The following SEPTIN11 variants were observed in gnomAD, a reference collection of about 807,000 sequenced individuals.
The protein encoded by SEPTIN11 is septin-11.
SEPTIN11 carries 25 observed loss-of-function variants against 51.4 expected under a neutral mutation model. The observed-to-expected ratio is 0.49, with a 90% CI of 0.35 to 0.68. SEPTIN11 has a LOEUF of 0.68. SEPTIN11 is among the 30% of genes least tolerant of loss of function. SEPTIN11 has a pLI of 0.00. For synonymous variants in SEPTIN11, 174 were observed against 184.1 expected, an observed-to-expected ratio of 0.95 and a Z score of 0.44; for missense variants, 381 against 520.8, an observed-to-expected ratio of 0.73 and a Z score of 2.61.
rs548330044 is a variant in SEPTIN11, at chr4:77,018,261, T to C, written c.688-904T>C. On this transcript the variant is annotated intron_variant, in intron 5 of 9. Transcript: ENST00000264893. The stretch of plus-strand genomic sequence containing the variant: ...GTCAGGAGATCGAGACCATCCTGGC[T>C]AACACGGTGAAACCCCGTTTCTACT... Among the ~76,000 whole-genome samples the C allele has an allele frequency of 1.6e-4, 24 of 152,212 alleles. No homozygotes were observed. In the South Asian group the frequency reaches 2.9e-3, roughly 18 times the overall value.
chr4:76,953,467 G>C (rs1721430957), intron 1 of SEPTIN11, among the ~76,000 whole-genome samples: 1 of 152,180 alleles, frequency 6.6e-6, no homozygotes, highest in African/African-American at 2.4e-5. Flanking sequence ...GGGAGTGTGG[G>C]AAGTGGAGGA....
At chr4:76,970,137 T>C (rs1722181733) in intron 1 of SEPTIN11, among the ~76,000 whole-genome samples, 3 of 152,220 alleles carry the variant, frequency 2.0e-5, no homozygotes, top group Non-Finnish European at 1.5e-5. Flanking sequence ...ACCTCTGCTT[T>C]TGCATTTCAC....
intron 1 of SEPTIN11, among the ~76,000 whole-genome samples, chr4:76,950,841 G>C (rs541784999): frequency 3.0e-4 from 46 of 152,354 alleles, no homozygotes; most frequent in Non-Finnish European, 5.4e-4. Context: ...GGCGGCGGCG[G>C]CCTTTCCTTT....
Position 77,038,057 on chromosome 4 carries a change from CA to C in SEPTIN11, c.*3550del, listed in dbSNP as rs746087987. 92 of 985,758 alleles carry C rather than the reference CA, an allele frequency of 9.3e-5. No homozygotes were observed. The highest frequency in any genetic ancestry group is 1.0e-4 in the Non-Finnish European group (86 of 829,958). The allele number at this position is 985,758 out of a possible 1,614,324, so 61.1% of individuals were successfully genotyped here. A position where few individuals can be genotyped will look rare whatever the true frequency, so the allele number is the denominator to read the frequency against. ...GTCCTGCTGTCTCTGTGTGGTCCTACAAAAACTGTCCATTCCCACCCCTTTG... is the reference window on the plus strand; with the variant it reads ...GTCCTGCTGTCTCTGTGTGGTCCTACAAAACTGTCCATTCCCACCCCTTTG... On this transcript the variant is annotated 3_prime_UTR_variant, in exon 10 of 10. Coordinates refer to ENST00000264893, the MANE Select transcript of SEPTIN11 (RefSeq NM_018243.4).
chr4:76,958,274 G>A (rs556825216), intron 1 of SEPTIN11, among the ~76,000 whole-genome samples: 109 of 152,318 alleles, frequency 7.2e-4, no homozygotes, highest in Non-Finnish European at 1.1e-3. Flanking sequence ...TGCACTTCTG[G>A]ACATCCAAAG....
intron 7 of SEPTIN11, among the ~76,000 whole-genome samples, chr4:77,027,937 T>C (rs1002615698): frequency 6.7e-6 from 1 of 150,304 alleles, no homozygotes; most frequent in African/African-American, 2.5e-5. Context: ...AACTTCTCCC[T>C]GCTCTGTTTA....
intron 1 of SEPTIN11, among the ~76,000 whole-genome samples, chr4:76,972,079 T>A (rs1481454967): frequency 6.6e-6 from 1 of 152,242 alleles, no homozygotes; most frequent in Non-Finnish European, 1.5e-5. Context: ...TGGCCATTTC[T>A]ATTTATTTCT....
At position 77,036,425 on chromosome 4, in the gene SEPTIN11, A is replaced by G; in HGVS notation, c.*1913A>G. The stretch of plus-strand genomic sequence containing the variant: ...TTTGTGTTGTATGCTTGTTCCAACC[A>G]CCGCTTGTGTGAGCATTTTTGTGGC... On this transcript the variant is annotated 3_prime_UTR_variant, in exon 10 of 10. Coordinates refer to ENST00000264893, the MANE Select transcript of SEPTIN11 (RefSeq NM_018243.4). The G allele has an allele frequency of 8.6e-7, 1 of 1,158,220 alleles. No individual in the cohort carries two copies. The highest frequency in any genetic ancestry group is 1.1e-6 in the Non-Finnish European group (1 of 935,824). 71.7% of individuals were successfully genotyped at this position (1,158,220 alleles called of 1,614,324 possible).
At chr4:76,956,089 C>T (rs1377832867) in intron 1 of SEPTIN11, among the ~76,000 whole-genome samples, 2 of 152,194 alleles carry the variant, frequency 1.3e-5, no homozygotes, top group South Asian at 4.1e-4. Flanking sequence ...TATCTCATCT[C>T]TTTGAGTACT....
intron 1 of SEPTIN11, among the ~76,000 whole-genome samples, chr4:76,993,645 C>T (rs1161016059): frequency 1.3e-5 from 2 of 152,110 alleles, no homozygotes; most frequent in Non-Finnish European, 2.9e-5. Context: ...TTCTTTTTCC[C>T]TTTCCCCCAT....
rs1727077902 is a variant in SEPTIN11 at position 77,037,005 on chromosome 4, A to G, written c.*2493A>G. 2.2e-5 allele frequency: 28 copies of G among 1,255,172 alleles called. No individual in the cohort carries two copies. The highest frequency in any genetic ancestry group is 2.8e-5 in the Non-Finnish European group (28 of 1,003,080). 77.8% of individuals were successfully genotyped at this position (1,255,172 alleles called of 1,614,324 possible). On this transcript the variant is annotated 3_prime_UTR_variant, in exon 10 of 10. Transcript: ENST00000264893. ...TAAATATATTTAAAAGGCCACATTT[A>G]TATTTTTTTCACAAGAACCACATAA...
chr4:76,960,860 A>G (rs1721798928), intron 1 of SEPTIN11, among the ~76,000 whole-genome samples: 1 of 152,198 alleles, frequency 6.6e-6, no homozygotes, highest in Non-Finnish European at 1.5e-5. Context: ...TCTCTTTGTC[A>G]CTAAGGTTCA....
Position 77,012,091 on chromosome 4 carries a change from TAAAATAAAAC to T in SEPTIN11, c.525+175_525+184del, listed in dbSNP as rs1560731955. 3.5e-3 allele frequency among the ~76,000 whole-genome samples: 280 copies of T among 80,746 alleles called. 1 individual carries two copies. Among genetic ancestry groups the T allele is most frequent in the African/African-American group, 0.014 (271 of 19,720 alleles). The allele number at this position is 80,746 out of a possible 152,430, so 53.0% of individuals were successfully genotyped here. ...AAACCTCTTGCCTGTTAGACAAAAA[TAAAATAAAAC>T]AAAACAAAACTAGCAAAAAAAAAAA... On this transcript the variant is annotated intron_variant, in intron 4 of 9. Coordinates refer to ENST00000264893, the MANE Select transcript of SEPTIN11 (RefSeq NM_018243.4).
At chr4:77,009,303 G>A (rs995707581) in intron 3 of SEPTIN11, among the ~76,000 whole-genome samples, 4 of 152,204 alleles carry the variant, frequency 2.6e-5, no homozygotes, top group Non-Finnish European at 4.4e-5. Context: ...TTTGAAGGCA[G>A]GATGAATAGT....
intron 2 of SEPTIN11, among the ~76,000 whole-genome samples, chr4:77,000,827 G>GTGAT: frequency 6.6e-6 from 1 of 152,258 alleles, no homozygotes; most frequent in East Asian, 1.9e-4. Flanking sequence ...TTCATCAAAG[G>GTGAT]TGATTCTATG....
chr4:76,999,376 C>T (rs1225308988), intron 2 of SEPTIN11, among the ~76,000 whole-genome samples: 2 of 152,296 alleles, frequency 1.3e-5, no homozygotes, highest in Non-Finnish European at 2.9e-5. Flanking sequence ...TGGACGGCCT[C>T]GTAGAGGAGG....
chr4:76,997,248 T>C (rs1357769513), intron 2 of SEPTIN11, among the ~76,000 whole-genome samples: 1 of 152,136 alleles, frequency 6.6e-6, no homozygotes, highest in Non-Finnish European at 1.5e-5. Context: ...TCTGTTGGCA[T>C]TGTCCTCTGG....
chr4:77,002,829 A>C (rs914660989), intron 2 of SEPTIN11, among the ~76,000 whole-genome samples: 1 of 152,014 alleles, frequency 6.6e-6, no homozygotes. Context: ...CAACTGCTGC[A>C]CAGCCAGACC....
Position 77,019,275 on chromosome 4 carries a change from A to G in SEPTIN11, c.784+14A>G. The G allele has an allele frequency of 6.3e-7, 1 of 1,591,406 alleles. No homozygotes were observed. The highest frequency in any genetic ancestry group is 8.6e-7 in the Non-Finnish European group (1 of 1,166,636). On this transcript the variant is annotated intron_variant, in intron 6 of 9. Transcript: ENST00000264893. ...GTGTGGTGCAGGGTATGTGCACAGC[A>G]TGGGAGATGGAGTCTTCATATTTAG...
Sources: allele counts gnomAD v4.1 joint callset (sites outside exome capture counted in the v4.1 genomes callset), GRCh38; gene constraint gnomAD v4.1.1; transcripts MANE v1.5; gene names NCBI Gene and HGNC (gene_info 2026-07-23, HGNC 2026-07-21).